The following ZDHHC13 variants were observed in gnomAD, a reference collection of about 807,000 sequenced individuals.
ZDHHC13 encodes the protein palmitoyltransferase ZDHHC13.
ZDHHC13 carries 85 observed loss-of-function variants against 86.0 expected under a neutral mutation model. That is an observed-to-expected ratio of 0.99 (90% CI 0.83 to 1.18). The LOEUF (loss-of-function observed/expected upper bound fraction) is 1.18. Ranked by LOEUF, ZDHHC13 falls within the 50% of genes most tolerant of loss-of-function variation. The pLI is 0.00. For synonymous variants in ZDHHC13, 263 were observed against 246.4 expected, an observed-to-expected ratio of 1.07 and a Z score of -0.63; for missense variants, 711 against 730.2, an observed-to-expected ratio of 0.97 and a Z score of 0.30.
chr11:19,169,717 G>A, intron 14 of ZDHHC13: 2 of 985,444 alleles, frequency 2.0e-6, no homozygotes, highest in Non-Finnish European at 2.4e-6. Context: ...CCTTACTGCT[G>A]CTCCTAGCTA....
Position 19,143,123 on chromosome 11 carries a change from A to T in ZDHHC13, c.173A>T (p.Gln58Leu). 6.2e-7 allele frequency: 1 copy of T among 1,610,528 alleles called. No homozygotes were observed. Among genetic ancestry groups the T allele is most frequent in the Non-Finnish European group, 8.5e-7 (1 of 1,178,000 alleles). The change falls in exon 2 of 17, where the codon CAA (glutamine) becomes CTA (leucine). Residue 58 changes from glutamine (Q) to leucine (L), a missense_variant and splice_region_variant. By Grantham distance (113) the Gln-to-Leu change is moderately radical (BLOSUM62 -2). Coordinates refer to ENST00000446113, the MANE Select transcript of ZDHHC13 (RefSeq NM_019028.3). ...SSNCDIVKAT[Q>L]YGIFERCKEL... ...AACTGTGACATTGTCAAAGCTACTC[A>T]GTAAGTCTTCCAAATGCTTTGGTTT... is the stretch of plus-strand genomic sequence containing the variant.
In ZDHHC13 at chr11:19,148,457, C is replaced by G. The variant is rs547405019; in HGVS notation, c.375-730C>G. Among the ~76,000 whole-genome samples, 3 of 151,956 alleles carry G rather than the reference C, an allele frequency of 2.0e-5. No individual in the cohort carries two copies. The East Asian group carries it at 5.8e-4, about 29-fold the overall frequency. On this transcript the variant is annotated intron_variant, in intron 4 of 16. Coordinates refer to ENST00000446113, the MANE Select transcript of ZDHHC13 (RefSeq NM_019028.3). Reference sequence around the variant, plus strand: ...AAGAAAAGCATATGAATATATAGCTCTTAATATTATCACAGTAAACCCATA... The same window carrying G: ...AAGAAAAGCATATGAATATATAGCTGTTAATATTATCACAGTAAACCCATA...
intron 16 of ZDHHC13, 131 bp from the exon 17 acceptor site, chr11:19,175,691 T>A (rs1445673655): frequency 2.0e-6 from 2 of 996,752 alleles, no homozygotes; most frequent in Non-Finnish European, 2.9e-6. Flanking sequence ...AACTATCTGA[T>A]CTACCCCATC....
intron 1 of ZDHHC13, among the ~76,000 whole-genome samples, chr11:19,122,344 C>G (rs546167237): frequency 6.6e-6 from 1 of 152,192 alleles, no homozygotes; most frequent in African/African-American, 2.4e-5. Context: ...ATTAGATCAT[C>G]TTTGTTTATA....
At chr11:19,159,224 G>A (rs1849841414) in intron 10 of ZDHHC13, among the ~76,000 whole-genome samples, 184 bp downstream of exon 10, 1 of 152,064 alleles carries the variant, frequency 6.6e-6, no homozygotes, top group South Asian at 2.1e-4. Flanking sequence ...TAGTCTCAGA[G>A]TACATTATGG....
intron 15 of ZDHHC13, 103 bp downstream of exon 15, chr11:19,170,671 T>A: frequency 8.9e-7 from 1 of 1,125,068 alleles, no homozygotes; most frequent in Non-Finnish European, 1.2e-6. Flanking sequence ...TGTTTTTACC[T>A]CTGTCACTGA....
intron 1 of ZDHHC13, among the ~76,000 whole-genome samples, chr11:19,122,994 A>G (rs1220069749): frequency 6.6e-6 from 1 of 152,176 alleles, no homozygotes; most frequent in East Asian, 1.9e-4. Context: ...CTAGTTTCTT[A>G]AAGTTGCCAT....
chr11:19,165,271 G>A, intron 13 of ZDHHC13, 126 bp downstream of exon 13: 1 of 820,688 alleles, frequency 1.2e-6, no homozygotes, highest in Non-Finnish European at 1.9e-6. Context: ...ATAGCAATGG[G>A]CCCATGCATC....
Position 19,165,069 on chromosome 11 carries a change from G to C in ZDHHC13, c.1314G>C (p.Arg438Ser). ...CCACTTAGATAAGGAAGCCATTAAG[G>C]TCACTCCACTGCCATGTATGCAACT... is the stretch of plus-strand genomic sequence containing the variant. ...CTSCLIRKPL[R>S]SLHCHVCNCC... Residue 438 changes from arginine (R) to serine (S), a missense_variant, in exon 13 of 17, where the codon AGG becomes AGC. Coordinates refer to ENST00000446113, the MANE Select transcript of ZDHHC13 (RefSeq NM_019028.3). The C allele has an allele frequency of 6.2e-7, 1 of 1,612,698 alleles. No individual in the cohort carries two copies. Among genetic ancestry groups the C allele is most frequent in the South Asian group, 1.1e-5 (1 of 90,744 alleles).
intron 1 of ZDHHC13, 103 bp from the exon 2 acceptor site, chr11:19,142,875 A>T: frequency 8.0e-7 from 1 of 1,257,844 alleles, no homozygotes; most frequent in Non-Finnish European, 1.1e-6. Context: ...CAAAAAATGT[A>T]ATTTATTAAT....
intron 1 of ZDHHC13, among the ~76,000 whole-genome samples, chr11:19,136,562 C>T (rs1260111437): frequency 6.6e-6 from 1 of 152,100 alleles, no homozygotes; most frequent in Non-Finnish European, 1.5e-5. Context: ...TCAGGAAATA[C>T]AGAGAATGCC....
chr11:19,149,920 ATGC>A (rs1329486773), intron 5 of ZDHHC13, among the ~76,000 whole-genome samples: 8 of 152,232 alleles, frequency 5.3e-5, no homozygotes, highest in Non-Finnish European at 7.3e-5. Context: ...GTTTGCACAA[ATGC>A]TGTTGGAATG....
chr11:19,165,331 G>C (rs1404506245), intron 13 of ZDHHC13, among the ~76,000 whole-genome samples, 186 bp downstream of exon 13: 3 of 152,064 alleles, frequency 2.0e-5, no homozygotes, highest in Non-Finnish European at 4.4e-5. Context: ...CATTCTGTTT[G>C]GTAGCCACAG....
chr11:19,119,233 G>T (rs115955684), intron 1 of ZDHHC13, among the ~76,000 whole-genome samples: 1 of 151,976 alleles, frequency 6.6e-6, no homozygotes, highest in African/African-American at 2.4e-5. Flanking sequence ...GCCTCAGCCT[G>T]CCGAGTAGCT....
At chr11:19,162,760 A>G (rs1228176271) in intron 10 of ZDHHC13, among the ~76,000 whole-genome samples, 2 of 152,150 alleles carry the variant, frequency 1.3e-5, no homozygotes, top group Non-Finnish European at 2.9e-5. Context: ...TATTTTTGAG[A>G]ACTGAACGTA....
rs558457376 is a variant in ZDHHC13, at chr11:19,154,907, C to T, written c.874-889C>T. On this transcript the variant is annotated intron_variant, in intron 8 of 16. Coordinates refer to ENST00000446113, the MANE Select transcript of ZDHHC13 (RefSeq NM_019028.3). ...CAGTCTTTGGGATGTTATTCACTCA[C>T]GGCTTTACCACCTATGTACTGATAA... is the stretch of plus-strand genomic sequence containing the variant. 7.9e-5 allele frequency among the ~76,000 whole-genome samples: 12 copies of T among 152,272 alleles called. No homozygotes were observed. The East Asian group carries it at 1.7e-3, about 22-fold the overall frequency.
At chr11:19,124,309 T>C (rs1848823639) in intron 1 of ZDHHC13, among the ~76,000 whole-genome samples, 1 of 152,102 alleles carries the variant, frequency 6.6e-6, no homozygotes, top group Non-Finnish European at 1.5e-5. Flanking sequence ...TGTGGATGTA[T>C]GTATGTATAT....
chr11:19,149,181 T>C lies in ZDHHC13; in HGVS notation c.375-6T>C, dbSNP rs917623623. 5 of 1,535,068 alleles carry C rather than the reference T, an allele frequency of 3.3e-6. No individual in the cohort carries two copies. The highest frequency in any genetic ancestry group is 1.4e-5 in the African/African-American group (1 of 73,018). On this transcript the variant is annotated splice_region_variant and splice_polypyrimidine_tract_variant and intron_variant, in intron 4 of 16. Coordinates refer to ENST00000446113, the MANE Select transcript of ZDHHC13 (RefSeq NM_019028.3). Reference sequence around the variant, plus strand: ...TACAGAATGGCTTTTTGTCTTCTATTTGCAGACAAGGACATTTACCTATGG... The same window carrying C: ...TACAGAATGGCTTTTTGTCTTCTATCTGCAGACAAGGACATTTACCTATGG...
At chr11:19,131,280 A>T (rs772140524) in intron 1 of ZDHHC13, among the ~76,000 whole-genome samples, 8 of 152,114 alleles carry the variant, frequency 5.3e-5, no homozygotes, top group Non-Finnish European at 1.0e-4. Context: ...GGCCTCCCAA[A>T]GCGTCCAGAC....
Sources: allele counts gnomAD v4.1 joint callset (sites outside exome capture counted in the v4.1 genomes callset), GRCh38; gene constraint gnomAD v4.1.1; transcripts MANE v1.5; gene names NCBI Gene and HGNC (gene_info 2026-07-23, HGNC 2026-07-21).